C3orf38: variants seen among roughly 807,000 people sequenced by gnomAD.
The protein encoded by C3orf38 is uncharacterized protein C3orf38.
Under a neutral mutation model 28.3 loss-of-function variants are expected in C3orf38, and 18 were observed. The observed-to-expected ratio is 0.64, with a 90% CI of 0.44 to 0.94. The LOEUF (loss-of-function observed/expected upper bound fraction) is 0.94. C3orf38 is among the 40% of genes least tolerant of loss of function. C3orf38 has a pLI of 0.00. For synonymous variants in C3orf38, 145 were observed against 138.1 expected, an observed-to-expected ratio of 1.05 and a Z score of -0.35; for missense variants, 364 against 396.4, an observed-to-expected ratio of 0.92 and a Z score of 0.69.
intron 1 of C3orf38, 28 bp downstream of exon 1, chr3:88,150,213 C>A (rs775186374): frequency 5.6e-5 from 91 of 1,611,386 alleles, no homozygotes; most frequent in Non-Finnish European, 7.5e-5. Context: ...ACCTAGAAGG[C>A]TGCCGCCCCT....
chr3:88,154,225 G>C (rs1480574548), intron 2 of C3orf38, among the ~76,000 whole-genome samples: 2 of 152,056 alleles, frequency 1.3e-5, no homozygotes, highest in Non-Finnish European at 2.9e-5. Context: ...TAAGTTCCAG[G>C]GTACGTGTGC....
intron 2 of C3orf38, 118 bp downstream of exon 2, chr3:88,153,589 T>G: frequency 8.1e-7 from 1 of 1,233,472 alleles, no homozygotes; most frequent in Non-Finnish European, 1.1e-6. Context: ...ATTTTTATTT[T>G]TTAAGAGATT....
At chr3:88,150,671 G>C (rs1314899712) in intron 1 of C3orf38, 1 of 155,852 alleles carries the variant, frequency 6.4e-6, no homozygotes, top group Non-Finnish European at 1.4e-5. Flanking sequence ...TTTCGTACTA[G>C]GAATACACAC....
Position 88,156,411 on chromosome 3 carries a change from C to T in C3orf38, c.766C>T (p.Leu256Phe). 6.2e-7 allele frequency: 1 copy of T among 1,614,174 alleles called. No individual in the cohort carries two copies. The highest frequency in any genetic ancestry group is 2.2e-5 in the East Asian group (1 of 44,878). ...GGGCATTTTTGAACAAATTTTTGGA[C>T]TCATCCGCTGCCCTTTTGTGGAGAA... Reference protein sequence around the residue: ...CLGIFEQIFGLIRCPFVENTW... With the variant: ...CLGIFEQIFGFIRCPFVENTW... The change falls in exon 3 of 3, where the codon CTC becomes TTC. Residue 256 changes from leucine (L) to phenylalanine (F), a missense_variant. Transcript: ENST00000318887.
chr3:88,155,620 G>A (rs1201270765), intron 2 of C3orf38, among the ~76,000 whole-genome samples: 5 of 151,668 alleles, frequency 3.3e-5, no homozygotes, highest in Admixed American at 6.6e-5. Context: ...CACCATGCCC[G>A]GCTAATTTTT....
chr3:88,150,002 G>T lies in C3orf38; in HGVS notation c.-51G>T. ...GTCTGTTGCCAGGCGCGGGCCCAGT[G>T]GGCCGTAGGGGCGACATTGTTGCCG... On this transcript the variant is annotated 5_prime_UTR_variant, in exon 1 of 3. Coordinates refer to ENST00000318887, the MANE Select transcript of C3orf38 (RefSeq NM_173824.4). 3.1e-6 allele frequency: 5 copies of T among 1,610,252 alleles called. No homozygotes were observed. The highest frequency in any genetic ancestry group is 3.4e-6 in the Non-Finnish European group (4 of 1,178,270).
In C3orf38 at chr3:88,156,170, T is replaced by A. The variant is rs1707476856; in HGVS notation, c.525T>A (p.Asp175Glu). The A allele has an allele frequency of 6.2e-7, 1 of 1,613,836 alleles. No homozygotes were observed. The highest frequency in any genetic ancestry group is 1.3e-5 in the African/African-American group (1 of 74,916). The stretch of plus-strand genomic sequence containing the variant: ...GGGGACCACAGCACTTCTGGCATGA[T>A]GTGAAGCTTAGGTTTTATTACAACA... ...DEWGPQHFWH[D>E]VKLRFYYNTS... Residue 175 changes from aspartate to glutamate, a missense_variant, in exon 3 of 3, where the codon GAT becomes GAA. Asp to Glu is a conservative substitution (Grantham distance 45, BLOSUM62 2). Coordinates refer to ENST00000318887, the MANE Select transcript of C3orf38 (RefSeq NM_173824.4).
Position 88,153,395 on chromosome 3 carries a change from A to G in C3orf38, c.299A>G (p.Gln100Arg), listed in dbSNP as rs554457619. Residue 100 changes from glutamine to arginine, a missense_variant, in exon 2 of 3, where the codon CAA (glutamine) becomes CGA (arginine). Gln to Arg is a conservative substitution (Grantham distance 43). Coordinates refer to ENST00000318887, the MANE Select transcript of C3orf38 (RefSeq NM_173824.4). ...ATTCAGCATGCAAAAGATTACTGGC[A>G]AAAGCAACCACAACTGAAATTGAAG... Reference protein sequence around the residue: ...NLIQHAKDYWQKQPQLKLKET... With the variant: ...NLIQHAKDYWRKQPQLKLKET... 6.3e-5 allele frequency: 101 copies of G among 1,614,134 alleles called. No homozygotes were observed. The South Asian group carries it at 1.0e-3, about 16-fold the overall frequency.
chr3:88,150,304 A>T lies in C3orf38; in HGVS notation c.133+119A>T, dbSNP rs575753499. 2.8e-5 allele frequency: 34 copies of T among 1,203,858 alleles called. No homozygotes were observed. In the East Asian group the frequency reaches 8.4e-4, roughly 30 times the overall value. 74.6% of individuals were successfully genotyped at this position (1,203,858 alleles called of 1,614,324 possible). On this transcript the variant is annotated intron_variant, in intron 1 of 2. Transcript: ENST00000318887. ...GCCGCAGATCCACAGCTCTGGAACC[A>T]CTACGCCGACTTGGGCTGCCGGGTC...
chr3:88,156,449 C>T lies in C3orf38; in HGVS notation c.804C>T (p.Ile268=). The T allele has an allele frequency of 1.2e-6, 2 of 1,614,118 alleles. No individual in the cohort carries two copies. Among genetic ancestry groups the T allele is most frequent in the South Asian group, 2.2e-5 (2 of 91,064 alleles). The change falls in exon 3 of 3, where the codon ATC becomes ATT. Residue 268 remains isoleucine (I), a synonymous_variant. Coordinates refer to ENST00000318887, the MANE Select transcript of C3orf38 (RefSeq NM_173824.4). ...RCPFVENTWK[I]KFINLKIMGE... is the part of the protein sequence containing the mutation. ...CTTTTGTGGAGAATACTTGGAAAAT[C>T]AAATTTATCAACCTGAAAATTATGG...
rs773212034 is a variant in C3orf38, at chr3:88,156,390, A to G, written c.745A>G (p.Ile249Val). Residue 249 changes from isoleucine (I) to valine (V), a missense_variant, in exon 3 of 3, where the codon ATT (isoleucine) becomes GTT (valine). Coordinates refer to ENST00000318887, the MANE Select transcript of C3orf38 (RefSeq NM_173824.4). ...CCATCGAGGAAACACTTGTTTGGGC[A>G]TTTTTGAACAAATTTTTGGACTCAT... ...TVHRGNTCLG[I>V]FEQIFGLIRC... 1.9e-6 allele frequency: 3 copies of G among 1,614,186 alleles called. No individual in the cohort carries two copies. The highest frequency in any genetic ancestry group is 2.5e-6 in the Non-Finnish European group (3 of 1,180,036).
At chr3:88,154,558 T>G (rs532236115) in intron 2 of C3orf38, among the ~76,000 whole-genome samples, 1 of 152,216 alleles carries the variant, frequency 6.6e-6, no homozygotes, top group Admixed American at 6.5e-5. Flanking sequence ...TTTTTTGAAT[T>G]AATGAGGTTT....
At chr3:88,155,501 C>G (rs1313181476) in intron 2 of C3orf38, among the ~76,000 whole-genome samples, 1 of 148,660 alleles carries the variant, frequency 6.7e-6, no homozygotes, top group Non-Finnish European at 1.5e-5. Flanking sequence ...CTCTGTTGCG[C>G]GGGCTGGAGT....
Position 88,156,265 on chromosome 3 carries a change from A to G in C3orf38, c.620A>G (p.Lys207Arg). 1 of 1,614,182 alleles carries G rather than the reference A, an allele frequency of 6.2e-7. No homozygotes were observed. Among genetic ancestry groups the G allele is most frequent in the South Asian group, 1.1e-5 (1 of 91,088 alleles). The change falls in exon 3 of 3, where the codon AAA (lysine) becomes AGA (arginine). Residue 207 changes from lysine to arginine, a missense_variant. Transcript: ENST00000318887. Reference protein sequence around the residue: ...IVSLRLLSLVKEEFLFLSPNL... With the variant: ...IVSLRLLSLVREEFLFLSPNL... Reference sequence around the variant, plus strand: ...AGCCTTCGTTTGCTGTCACTAGTAAAAGAAGAATTTCTTTTTCTCAGCCCC... The same window carrying G: ...AGCCTTCGTTTGCTGTCACTAGTAAGAGAAGAATTTCTTTTTCTCAGCCCC...
Position 88,156,218 on chromosome 3 carries a change from C to T in C3orf38, c.573C>T (p.Asp191=). Residue 191 remains aspartate (D), a synonymous_variant, in exon 3 of 3, where the codon GAC becomes GAT. Coordinates refer to ENST00000318887, the MANE Select transcript of C3orf38 (RefSeq NM_173824.4). ...YYNTSEQNVM[D]YHGAEIVSLR... is the part of the protein sequence containing the mutation. ...ACACATCAGAACAAAATGTTATGGA[C>T]TACCATGGAGCAGAAATCGTGAGCC... 6.2e-7 allele frequency: 1 copy of T among 1,614,018 alleles called. No homozygotes were observed. The highest frequency in any genetic ancestry group is 8.5e-7 in the Non-Finnish European group (1 of 1,180,000).
Position 88,153,398 on chromosome 3 carries a change from A to G in C3orf38, c.302A>G (p.Lys101Arg). 2 of 1,614,158 alleles carry G rather than the reference A, an allele frequency of 1.2e-6. No individual in the cohort carries two copies. The highest frequency in any genetic ancestry group is 2.2e-5 in the East Asian group (1 of 44,872). Reference protein sequence around the residue: ...LIQHAKDYWQKQPQLKLKETP... With the variant: ...LIQHAKDYWQRQPQLKLKETP... ...CAGCATGCAAAAGATTACTGGCAAAAGCAACCACAACTGAAATTGAAGGAA... is the reference window on the plus strand; with the variant it reads ...CAGCATGCAAAAGATTACTGGCAAAGGCAACCACAACTGAAATTGAAGGAA... Residue 101 changes from lysine to arginine, a missense_variant, in exon 2 of 3, where the codon AAG (lysine) becomes AGG (arginine). Lys to Arg is a conservative substitution (Grantham distance 26). Transcript: ENST00000318887.
At chr3:88,153,512 G>A (rs778509605) in intron 2 of C3orf38, 41 bp downstream of exon 2, 19 of 1,597,898 alleles carry the variant, frequency 1.2e-5, no homozygotes, top group Non-Finnish European at 1.4e-5. Flanking sequence ...CCTTTGTTCT[G>A]TCTGAAACTT....
chr3:88,150,571 A>G, intron 1 of C3orf38: 1 of 159,922 alleles, frequency 6.3e-6, no homozygotes, highest in Non-Finnish European at 1.4e-5. Context: ...AACATTTTGT[A>G]TGTCTCTGGT....
rs1171403316 is a variant in C3orf38, at chr3:88,150,143, G to A, written c.91G>A (p.Asp31Asn). The A allele has an allele frequency of 1.2e-6, 2 of 1,614,100 alleles. No homozygotes were observed. Among genetic ancestry groups the A allele is most frequent in the African/African-American group, 1.3e-5 (1 of 75,030 alleles). ...LDNDEIMALC[D>N]TVTNRLVQPQ... ...CAACGACGAGATCATGGCCCTATGC[G>A]ACACTGTCACCAACCGCCTGGTGCA... The change falls in exon 1 of 3, where the codon GAC (aspartate) becomes AAC (asparagine). Residue 31 changes from aspartate to asparagine, a missense_variant. Coordinates refer to ENST00000318887, the MANE Select transcript of C3orf38 (RefSeq NM_173824.4).
Sources: allele counts gnomAD v4.1 joint callset (sites outside exome capture counted in the v4.1 genomes callset), GRCh38; gene constraint gnomAD v4.1.1; transcripts MANE v1.5; gene names NCBI Gene and HGNC (gene_info 2026-07-23, HGNC 2026-07-21).